RBM23: variants seen among roughly 807,000 people sequenced by gnomAD.
The protein encoded by RBM23 is RNA binding motif protein 23.
Under a neutral mutation model 56.2 loss-of-function variants are expected in RBM23, and 53 were observed. The ratio of observed to expected loss-of-function variants is 0.94; its 90% CI spans 0.76 to 1.19. RBM23 has a LOEUF of 1.19. Among genes scored for constraint, RBM23 ranks in the 50% most tolerant of loss-of-function variants. RBM23 has a pLI of 0.00. For synonymous variants in RBM23, 197 were observed against 198.5 expected (o/e 0.99, Z 0.06); for missense variants, 642 against 590.3 (o/e 1.09, Z -0.91).
Position 22,896,098 on chromosome 14 carries a change from A to G in RBM23, c.*5632T>C, listed in dbSNP as rs2040244468. The stretch of plus-strand genomic sequence containing the variant: ...CTTTTCCCCATAAACCTTGAGCTCT[A>G]AAGTTGGGGAGAATGAAGTCAGCTA... On this transcript the variant is annotated 3_prime_UTR_variant, in exon 14 of 14. Transcript: ENST00000359890. The G allele has an allele frequency of 6.6e-6, 1 of 152,190 alleles. No individual in the cohort carries two copies. Among genetic ancestry groups the G allele is most frequent in the Admixed American group, 6.5e-5 (1 of 15,278 alleles). The allele number at this position is 152,190 out of a possible 1,614,324, so 9.4% of individuals were successfully genotyped here.
Position 22,894,027 on chromosome 14 carries a change from C to T in RBM23, c.*7703G>A, listed in dbSNP as rs556928103. On this transcript the variant is annotated 3_prime_UTR_variant, in exon 14 of 14. Coordinates refer to ENST00000359890, the MANE Select transcript of RBM23 (RefSeq NM_001077351.2). ...GCTGAACTCAGCTATGCTATCCCAA[C>T]TCTAAAATGAAGAATACCTACCTTA... The T allele has an allele frequency of 4.6e-5, 7 of 152,314 alleles. No homozygotes were observed. The South Asian group carries it at 1.4e-3, about 32-fold the overall frequency. The allele number at this position is 152,314 out of a possible 1,614,324, so 9.4% of individuals were successfully genotyped here. A position where few individuals can be genotyped will look rare whatever the true frequency, so the allele number is the denominator to read the frequency against.
Position 22,906,316 on chromosome 14 carries a change from G to A in RBM23, c.280C>T (p.Pro94Ser). Residue 94 changes from proline (P) to serine (S), a missense_variant, in exon 5 of 14, where the codon CCA (proline) becomes TCA (serine). Physicochemically the swap from Pro to Ser is moderately conservative, Grantham distance 74. Coordinates refer to ENST00000359890, the MANE Select transcript of RBM23 (RefSeq NM_001077351.2). ...YRRRNSRSRS[P>S]GRQCRHRSRS... ...CTACGGTGACGACACTGCCGACCTG[G>A]ACTTCGGCTCCGACTATTTCTCCGT... The A allele has an allele frequency of 6.2e-7, 1 of 1,614,220 alleles. No individual in the cohort carries two copies. Among genetic ancestry groups the A allele is most frequent in the African/African-American group, 1.3e-5 (1 of 75,046 alleles).
chr14:22,910,028 C>T (rs1365840049), intron 2 of RBM23, among the ~76,000 whole-genome samples: 5 of 151,834 alleles, frequency 3.3e-5, no homozygotes, highest in Admixed American at 2.6e-4. Context: ...TGGCACACGC[C>T]TGTAGTCCCA....
intron 1 of RBM23, chr14:22,917,566 CTTT>C (rs912530097): frequency 6.6e-6 from 1 of 150,914 alleles, no homozygotes; most frequent in African/African-American, 2.4e-5. Flanking sequence ...CTTTTTTCTT[CTTT>C]TTTGTTTTTT....
chr14:22,907,110 G>A (rs1392338342), intron 4 of RBM23, among the ~76,000 whole-genome samples: 1 of 152,048 alleles, frequency 6.6e-6, no homozygotes, highest in African/African-American at 2.4e-5. Flanking sequence ...GGAGGCGGAG[G>A]TTGCAGTGAG....
intron 1 of RBM23, chr14:22,914,023 CA>C (rs71272859): frequency 2.1e-3 from 214 of 101,656 alleles, no homozygotes; most frequent in African/African-American, 4.1e-3. Flanking sequence ...GACTCTGTCT[CA>C]AAAAAAAAAA....
chr14:22,904,209 C>T (rs1208934622), intron 10 of RBM23, 52 bp downstream of exon 10: 6 of 1,613,524 alleles, frequency 3.7e-6, no homozygotes, highest in Non-Finnish European at 5.1e-6. Context: ...CAAAATCAGA[C>T]AAGTGGACAA....
chr14:22,916,821 G>C (rs1247223218), intron 1 of RBM23, among the ~76,000 whole-genome samples: 10 of 151,968 alleles, frequency 6.6e-5, no homozygotes, highest in Admixed American at 6.6e-4. Context: ...TATGCTTAAA[G>C]GTATTAGACT....
intron 1 of RBM23, among the ~76,000 whole-genome samples, chr14:22,917,987 C>A (rs933265506): frequency 6.6e-6 from 1 of 152,198 alleles, no homozygotes; most frequent in Admixed American, 6.6e-5. Flanking sequence ...AGGGTCTGAT[C>A]ACTTAGCTGG....
intron 3 of RBM23, 82 bp from the exon 4 acceptor site, chr14:22,908,462 G>T: frequency 6.8e-7 from 1 of 1,471,094 alleles, no homozygotes; most frequent in Non-Finnish European, 9.1e-7. Flanking sequence ...GTGCAATCTT[G>T]GCTCACTGCA....
In RBM23 at chr14:22,905,818, G is replaced by A. The variant is rs1036408112; in HGVS notation, c.402-159C>T. On this transcript the variant is annotated intron_variant, in intron 5 of 13. Transcript: ENST00000359890. ...GGCTGGAGTGCAGTGGCGCCATCTC[G>A]GGTCACTGCAACCTTTGCCTCCCAG... The A allele has an allele frequency of 7.0e-5, 45 of 639,268 alleles. No homozygotes were observed. In the Admixed American group the frequency reaches 9.8e-4, roughly 14 times the overall value. The allele number at this position is 639,268 out of a possible 1,614,324, so 39.6% of individuals were successfully genotyped here. A position where few individuals can be genotyped will look rare whatever the true frequency, so the allele number is the denominator to read the frequency against.
chr14:22,908,905 G>A (rs1443709622), intron 3 of RBM23, among the ~76,000 whole-genome samples: 2 of 151,618 alleles, frequency 1.3e-5, no homozygotes, highest in African/African-American at 4.8e-5. Context: ...CCCCTAATGC[G>A]AAGCAAAACC....
At chr14:22,904,117 T>A (rs755639019) in intron 10 of RBM23, 144 bp downstream of exon 10, 1 of 1,547,078 alleles carries the variant, frequency 6.5e-7, no homozygotes, top group African/African-American at 1.4e-5. Flanking sequence ...TCTCAAGGGG[T>A]AGAAGGCTAG....
intron 12 of RBM23, 36 bp from the exon 13 acceptor site, chr14:22,901,919 C>G (rs756615201): frequency 1.9e-6 from 3 of 1,613,564 alleles, no homozygotes; most frequent in Non-Finnish European, 2.5e-6. Context: ...TGAGCAAGCA[C>G]CGCGCACTCC....
chr14:22,904,398 C>CA, intron 9 of RBM23, 72 bp from the exon 10 acceptor site: 3 of 1,015,716 alleles, frequency 3.0e-6, no homozygotes, highest in Non-Finnish European at 4.2e-6. Flanking sequence ...ACCCAGACTG[C>CA]TTTTTTTTTT....
chr14:22,908,706 G>A (rs1046734741), intron 3 of RBM23: 2 of 209,428 alleles, frequency 9.5e-6, no homozygotes, highest in African/African-American at 4.7e-5. Flanking sequence ...GCCAGGTCAG[G>A]AGTGTAAATT....
At chr14:22,911,258 G>T in intron 2 of RBM23, 70 bp downstream of exon 2, 2 of 1,246,206 alleles carry the variant, frequency 1.6e-6, no homozygotes, top group South Asian at 1.2e-5. Context: ...AATGTTGAAA[G>T]TTGAAAGTGA....
chr14:22,916,226 A>G (rs1255678233), intron 1 of RBM23, among the ~76,000 whole-genome samples: 1 of 151,630 alleles, frequency 6.6e-6, no homozygotes, highest in Non-Finnish European at 1.5e-5. Flanking sequence ...AATCCCCAAA[A>G]CAGAGAAGGT....
At position 22,893,728 on chromosome 14, in the gene RBM23, T is replaced by G. The variant is rs1214434997; in HGVS notation, c.*8002A>C. 6.6e-6 allele frequency: 1 copy of G among 151,514 alleles called. No homozygotes were observed. The highest frequency in any genetic ancestry group is 1.5e-5 in the Non-Finnish European group (1 of 67,932). The allele number at this position is 151,514 out of a possible 1,614,324, so 9.4% of individuals were successfully genotyped here. On this transcript the variant is annotated 3_prime_UTR_variant, in exon 14 of 14. Transcript: ENST00000359890. ...CTTCCTATAAAGAAGGCAGCAAAAT[T>G]TGGGTGGATGGTGCAGTCGTCAAAG...
Sources: allele counts gnomAD v4.1 joint callset (sites outside exome capture counted in the v4.1 genomes callset), GRCh38; gene constraint gnomAD v4.1.1; transcripts MANE v1.5; gene names NCBI Gene and HGNC (gene_info 2026-07-23, HGNC 2026-07-21).